Variants in MTUS2 observed in about 807,000 individuals in gnomAD.
MTUS2 encodes microtubule associated scaffold protein 2, also known as microtubule-associated tumor suppressor candidate 2.
Under a neutral mutation model 114.1 loss-of-function variants are expected in MTUS2, and 40 were observed. The ratio of observed to expected loss-of-function variants is 0.35; its 90% CI spans 0.27 to 0.46. The LOEUF (loss-of-function observed/expected upper bound fraction) is 0.46, where lower values mean the gene tolerates loss of function less well. Ranked by LOEUF, MTUS2 falls within the 20% of genes least tolerant of loss-of-function variation. The pLI, the probability that MTUS2 is intolerant of heterozygous loss-of-function variation, is 1.00. For synonymous variants in MTUS2, 688 were observed against 672.0 expected (o/e 1.02, Z -0.37); for missense variants, 1,679 against 1,705.4 (o/e 0.98, Z 0.27).
chr13:29,227,125 A>AGT (rs1293303788), intron 5 of MTUS2, among the ~76,000 whole-genome samples: 2 of 151,866 alleles, frequency 1.3e-5, no homozygotes, highest in African/African-American at 4.8e-5. Flanking sequence ...TGGGTGTGGT[A>AGT]GTGTGTGCCT....
chr13:28,959,651 G>A (rs1050456246), intron 2 of MTUS2, among the ~76,000 whole-genome samples: 2 of 152,188 alleles, frequency 1.3e-5, no homozygotes, highest in Non-Finnish European at 2.9e-5. Context: ...GAGGGAGAAA[G>A]AGGAGGTGCC....
chr13:29,268,384 G>A (rs1897747458), intron 5 of MTUS2, among the ~76,000 whole-genome samples: 1 of 152,202 alleles, frequency 6.6e-6, no homozygotes, highest in South Asian at 2.1e-4. Context: ...TGAGGGTCAA[G>A]CCGTGTCCCT....
At chr13:29,440,175 C>T in intron 9 of MTUS2, 126 bp downstream of exon 9, 1 of 885,138 alleles carries the variant, frequency 1.1e-6, no homozygotes, top group Non-Finnish European at 1.8e-6. Flanking sequence ...AATGAAGTAT[C>T]TCACCCAGCA....
intron 5 of MTUS2, among the ~76,000 whole-genome samples, chr13:29,214,223 C>G (rs1270263044): frequency 1.3e-5 from 2 of 151,058 alleles, no homozygotes; most frequent in African/African-American, 4.9e-5. Flanking sequence ...AGTATTCCTC[C>G]ATCCCTTTAT....
chr13:28,902,874 G>T (rs1283181364), intron 2 of MTUS2, among the ~76,000 whole-genome samples: 1 of 152,096 alleles, frequency 6.6e-6, no homozygotes, highest in Non-Finnish European at 1.5e-5. Flanking sequence ...CTGTTTTCTG[G>T]AAGATATTGT....
At chr13:29,479,584 C>T (rs1014591513) in intron 9 of MTUS2, among the ~76,000 whole-genome samples, 3 of 152,180 alleles carry the variant, frequency 2.0e-5, no homozygotes, top group African/African-American at 7.2e-5. Flanking sequence ...ACCCCCACAC[C>T]TGCTCTGAGA....
chr13:28,835,022 G>A (rs1874972870), intron 1 of MTUS2, among the ~76,000 whole-genome samples: 1 of 152,214 alleles, frequency 6.6e-6, no homozygotes, highest in South Asian at 2.1e-4. Flanking sequence ...AAAATTAAGT[G>A]TTGGTGAAGA....
At chr13:28,919,103 T>A (rs1880903348) in intron 2 of MTUS2, among the ~76,000 whole-genome samples, 1 of 152,178 alleles carries the variant, frequency 6.6e-6, no homozygotes, top group African/African-American at 2.4e-5. Context: ...AAGAGTAGTT[T>A]ACACAGCACA....
chr13:29,221,219 G>A (rs9550451), intron 5 of MTUS2, among the ~76,000 whole-genome samples: 3,819 of 152,308 alleles, frequency 0.025, 98 homozygotes, highest in East Asian at 0.066. Context: ...ATGGTTCAGA[G>A]GAGAACCACA....
chr13:29,089,658 CT>C (rs562191756), intron 4 of MTUS2, among the ~76,000 whole-genome samples: 6 of 151,954 alleles, frequency 3.9e-5, no homozygotes, highest in East Asian at 1.9e-4. Flanking sequence ...TTTTTAAATT[CT>C]TTTTTTTGTC....
At chr13:28,920,841 C>T (rs1170273600) in intron 2 of MTUS2, among the ~76,000 whole-genome samples, 1 of 152,228 alleles carries the variant, frequency 6.6e-6, no homozygotes, top group Admixed American at 6.5e-5. Flanking sequence ...GCAACACCAC[C>T]ACAAGGGAGT....
At chr13:28,998,519 C>G (rs1340791549) in intron 2 of MTUS2, among the ~76,000 whole-genome samples, 1 of 152,218 alleles carries the variant, frequency 6.6e-6, no homozygotes, top group African/African-American at 2.4e-5. Context: ...CCGTCACTTT[C>G]AGGTACACCA....
intron 6 of MTUS2, among the ~76,000 whole-genome samples, chr13:29,317,624 G>A (rs1900056651): frequency 4.4e-5 from 1 of 22,900 alleles, no homozygotes; most frequent in Admixed American, 7.3e-4. Context: ...ATTTTTAGTA[G>A]AGACGGGGTT....
intron 2 of MTUS2, among the ~76,000 whole-genome samples, chr13:29,007,949 G>A (rs566807884): frequency 1.1e-4 from 17 of 152,108 alleles, no homozygotes; most frequent in East Asian, 1.9e-4. Flanking sequence ...TTGTTCAGGC[G>A]TCAACCATAT....
At chr13:29,262,773 A>G (rs1454372983) in intron 5 of MTUS2, among the ~76,000 whole-genome samples, 1 of 152,082 alleles carries the variant, frequency 6.6e-6, no homozygotes, top group Non-Finnish European at 1.5e-5. Context: ...GTTAGGGATG[A>G]CTTGAAGATA....
chr13:29,404,923 C>T (rs1874636249), intron 8 of MTUS2, among the ~76,000 whole-genome samples: 1 of 152,188 alleles, frequency 6.6e-6, no homozygotes, highest in African/African-American at 2.4e-5. Context: ...CTGGGATCCT[C>T]ACATCACTGT....
At chr13:29,366,381 C>T (rs1438907860) in intron 8 of MTUS2, among the ~76,000 whole-genome samples, 1 of 152,152 alleles carries the variant, frequency 6.6e-6, no homozygotes, top group East Asian at 1.9e-4. Flanking sequence ...ATTCAGTTAC[C>T]TCCCACCAGG....
intron 7 of MTUS2, among the ~76,000 whole-genome samples, chr13:29,338,854 G>A (rs188978427): frequency 6.6e-6 from 1 of 152,340 alleles, no homozygotes; most frequent in African/African-American, 2.4e-5. Flanking sequence ...AGGCAGAAGT[G>A]GGTGGGCAGG....
chr13:29,375,558 CGT>C (rs1491122430), intron 8 of MTUS2, among the ~76,000 whole-genome samples: 2 of 3,502 alleles, frequency 5.7e-4, no homozygotes, highest in Non-Finnish European at 1.2e-3. Context: ...TATATATATA[CGT>C]ATATATATAT....
Sources: gnomAD v4.1 joint callset for allele counts (sites outside exome capture counted in the v4.1 genomes callset) on GRCh38, gnomAD v4.1.1 for gene constraint, MANE v1.5 for transcripts, NCBI Gene and HGNC (gene_info 2026-07-23, HGNC 2026-07-21) for gene names.